PEAK1: variants seen among roughly 807,000 people sequenced by gnomAD.
The protein encoded by PEAK1 is inactive tyrosine-protein kinase PEAK1.
A neutral mutation model predicts 124.7 loss-of-function variants in PEAK1; 54 were observed. That is an observed-to-expected ratio of 0.43 (90% CI 0.35 to 0.54). The LOEUF (loss-of-function observed/expected upper bound fraction) is 0.54. Ranked by LOEUF, PEAK1 falls within the 20% of genes least tolerant of loss-of-function variation. PEAK1 has a pLI of 0.01. For missense variants in PEAK1, 2,046 were observed against 2,134.5 expected, an observed-to-expected ratio of 0.96 and a Z score of 0.82; for synonymous variants, 719 against 760.0, an observed-to-expected ratio of 0.95 and a Z score of 0.89.
At chr15:77,415,373 C>CT (rs1437925682) in intron 1 of PEAK1, among the ~76,000 whole-genome samples, 1 of 152,178 alleles carries the variant, frequency 6.6e-6, no homozygotes, top group Admixed American at 6.5e-5. Flanking sequence ...TACAGACTAT[C>CT]TTTTTTTCCA....
At chr15:77,344,977 T>C (rs958551648) in intron 2 of PEAK1, among the ~76,000 whole-genome samples, 3 of 152,250 alleles carry the variant, frequency 2.0e-5, no homozygotes, top group Non-Finnish European at 4.4e-5. Flanking sequence ...TAAGATCATG[T>C]CATCTGCAAA....
chr15:77,256,759 G>T (rs1317210869), intron 5 of PEAK1, among the ~76,000 whole-genome samples: 1 of 151,556 alleles, frequency 6.6e-6, no homozygotes. Flanking sequence ...AATTTTCAGG[G>T]TACATGTGCA....
At position 77,354,568 on chromosome 15, in the gene PEAK1, T is replaced by C. The variant is rs532052280; in HGVS notation, c.-603+10595A>G. 6.0e-4 allele frequency among the ~76,000 whole-genome samples: 92 copies of C among 152,346 alleles called. No individual in the cohort carries two copies. In the South Asian group the frequency reaches 7.9e-3, roughly 13 times the overall value. ...TTTGATACAGCTTACAGGTAGGTAC[T>C]TTGTGATCTGGCCTTTCCCTGCAAA... is the stretch of plus-strand genomic sequence containing the variant. On this transcript the variant is annotated intron_variant, in intron 2 of 9. Coordinates refer to ENST00000682557, the MANE Select transcript of PEAK1 (RefSeq NM_001385026.1).
chr15:77,413,894 G>A (rs956640631), intron 1 of PEAK1, among the ~76,000 whole-genome samples: 1 of 152,092 alleles, frequency 6.6e-6, no homozygotes, highest in African/African-American at 2.4e-5. Flanking sequence ...TGCAATCATG[G>A]CTCACTACAG....
chr15:77,250,421 G>GT (rs922327572), intron 6 of PEAK1, among the ~76,000 whole-genome samples: 39 of 147,504 alleles, frequency 2.6e-4, no homozygotes, highest in African/African-American at 6.8e-4. Flanking sequence ...TAATTTTTGT[G>GT]TTTTTTTGTT....
At position 77,403,415 on chromosome 15, in the gene PEAK1, G is replaced by A. The variant is rs2071541650; in HGVS notation, c.-666+16591C>T. The A allele has an allele frequency of 5.4e-6, 5 of 918,290 alleles. No individual in the cohort carries two copies. The South Asian group carries it at 1.5e-4, about 28-fold the overall frequency. The allele number at this position is 918,290 out of a possible 1,614,324, so 56.9% of individuals were successfully genotyped here. ...TACGGGTAAGTAAAAATACAACCAT[G>A]ATAGGCAATCTTACATATTGATTGT... On this transcript the variant is annotated intron_variant, in intron 1 of 9. Transcript: ENST00000682557.
chr15:77,162,914 C>T (rs2055786454), intron 7 of PEAK1, among the ~76,000 whole-genome samples: 1 of 152,074 alleles, frequency 6.6e-6, no homozygotes, highest in Non-Finnish European at 1.5e-5. Flanking sequence ...ACCAGTGTAT[C>T]TAATTTTTTT....
At chr15:77,134,770 T>C (rs1243521504) in intron 8 of PEAK1, among the ~76,000 whole-genome samples, 1 of 152,200 alleles carries the variant, frequency 6.6e-6, no homozygotes, top group Non-Finnish European at 1.5e-5. Flanking sequence ...GGCTCTGTTA[T>C]GGGTTGAATT....
chr15:77,194,187 G>A (rs1290149185), intron 6 of PEAK1, among the ~76,000 whole-genome samples: 1 of 152,066 alleles, frequency 6.6e-6, no homozygotes, highest in East Asian at 1.9e-4. Flanking sequence ...CCAATCAATT[G>A]TCAGGTTTTA....
At position 77,133,167 on chromosome 15, in the gene PEAK1, G is replaced by C. The variant is rs757277454; in HGVS notation, c.3915C>G (p.Cys1305Trp). ...TDALKKLAVK[C>W]EDLFMAGQKD... ...TCTGCCCAGCCATGAAAAGGTCTTC[G>C]CATTTAACAGCCAGTTTCTTCAAGG... The change falls in exon 9 of 10, where the codon TGC becomes TGG. Residue 1305 changes from cysteine to tryptophan, a missense_variant. Coordinates refer to ENST00000682557, the MANE Select transcript of PEAK1 (RefSeq NM_001385026.1). The surrounding 1 kb of genome is among the most constrained non-coding windows in gnomAD (Gnocchi z 4.2). 1.9e-6 allele frequency: 3 copies of C among 1,614,134 alleles called. No homozygotes were observed. The East Asian group carries it at 6.7e-5, about 36-fold the overall frequency.
intron 5 of PEAK1, among the ~76,000 whole-genome samples, chr15:77,264,228 C>T (rs1402149857): frequency 3.3e-5 from 5 of 151,982 alleles, no homozygotes; most frequent in Admixed American, 3.3e-4. Context: ...CACTCCTATT[C>T]AACATAGTGT....
At chr15:77,357,177 G>C (rs2141511986) in intron 2 of PEAK1, among the ~76,000 whole-genome samples, 1 of 152,308 alleles carries the variant, frequency 6.6e-6, no homozygotes, top group East Asian at 1.9e-4. Context: ...AGGTGAAGTG[G>C]GAGGATCATG....
chr15:77,181,597 G>A lies in PEAK1; in HGVS notation c.330C>T (p.Ala110=), dbSNP rs2057277600. ...VIIGWNRNRA[A]LSQKPLNNNN... is the part of the protein sequence containing the mutation. ...TATTGTTAAGTGGTTTCTGACTCAA[G>A]GCAGCTCTGTTTCGGTTCCACCCTA... The change falls in exon 7 of 10, where the codon GCC becomes GCT. Residue 110 remains alanine (A), a synonymous_variant. Coordinates refer to ENST00000682557, the MANE Select transcript of PEAK1 (RefSeq NM_001385026.1). 1 of 1,613,948 alleles carries A rather than the reference G, an allele frequency of 6.2e-7. No individual in the cohort carries two copies. The highest frequency in any genetic ancestry group is 1.7e-5 in the Admixed American group (1 of 59,992).
At chr15:77,256,957 A>G (rs1451228724) in intron 5 of PEAK1, among the ~76,000 whole-genome samples, 1 of 142,478 alleles carries the variant, frequency 7.0e-6, no homozygotes, top group Non-Finnish European at 1.5e-5. Flanking sequence ...ATTCCCACCT[A>G]TGAGTGAGAA....
rs1248992964 is a variant in PEAK1, at chr15:77,250,170, T to TAC, written c.-115+2196_-115+2197insGT. ...ATATATATATACATATATATACATATATATGTATATGTATATATATACATA... is the reference window on the plus strand; with the variant it reads ...ATATATATATACATATATATACATATACATATGTATATGTATATATATACATA... On this transcript the variant is annotated intron_variant, in intron 6 of 9. Coordinates refer to ENST00000682557, the MANE Select transcript of PEAK1 (RefSeq NM_001385026.1). Among the ~76,000 whole-genome samples, 85 of 139,280 alleles carry TAC rather than the reference T, an allele frequency of 6.1e-4. 1 individual carries two copies. Among genetic ancestry groups the TAC allele is most frequent in the Middle Eastern group, 3.8e-3 (1 of 266 alleles). The allele number at this position is 139,280 out of a possible 152,430, so 91.4% of individuals were successfully genotyped here.
intron 1 of PEAK1, chr15:77,402,897 G>A: frequency 1.0e-6 from 1 of 985,382 alleles, no homozygotes; most frequent in Non-Finnish European, 1.2e-6. Context: ...CAGTGAGTGG[G>A]CAGTTGCAGA....
intron 7 of PEAK1, among the ~76,000 whole-genome samples, chr15:77,174,491 G>A (rs1358891852): frequency 6.6e-6 from 1 of 152,000 alleles, no homozygotes; most frequent in Non-Finnish European, 1.5e-5. Context: ...AATACCAATG[G>A]TGTATCCAAG....
rs184064993 is a variant in PEAK1 at position 77,325,340 on chromosome 15, G to T, written c.-602-38836C>A. 9.9e-5 allele frequency among the ~76,000 whole-genome samples: 15 copies of T among 152,088 alleles called. No homozygotes were observed. The East Asian group carries it at 1.5e-3, about 16-fold the overall frequency. On this transcript the variant is annotated intron_variant, in intron 2 of 9. Coordinates refer to ENST00000682557, the MANE Select transcript of PEAK1 (RefSeq NM_001385026.1). ...TGGGAGGACAGCTTGAGCCTGAGTG[G>T]TAGGCTACAGTGAGCTTTGATCGTG...
At chr15:77,170,895 T>C (rs1363169034) in intron 7 of PEAK1, among the ~76,000 whole-genome samples, 1 of 152,050 alleles carries the variant, frequency 6.6e-6, no homozygotes, top group African/African-American at 2.4e-5. Context: ...GTTGCAGAAA[T>C]GGTAGGTAGG....
Sources: gnomAD v4.1 joint callset for allele counts (sites outside exome capture counted in the v4.1 genomes callset) on GRCh38, gnomAD v4.1.1 for gene constraint, Gnocchi (gnomAD v3.1) non-coding constraint, MANE v1.5 for transcripts, NCBI Gene and HGNC (gene_info 2026-07-23, HGNC 2026-07-21) for gene names.